Variants in TUSC3 observed in about 807,000 individuals in gnomAD.
TUSC3 encodes dolichyl-diphosphooligosaccharide--protein glycosyltransferase subunit TUSC3.
A neutral mutation model predicts 44.8 loss-of-function variants in TUSC3; 45 were observed. The observed-to-expected ratio is 1.00, with a 90% CI of 0.79 to 1.29. The LOEUF (loss-of-function observed/expected upper bound fraction) is 1.29, where lower values mean the gene tolerates loss of function less well. Among genes scored for constraint, TUSC3 ranks in the 50% most tolerant of loss-of-function variants. The pLI, the probability that TUSC3 is intolerant of heterozygous loss-of-function variation, is 0.00. For missense variants in TUSC3, 519 were observed against 437.9 expected (o/e 1.19, Z -1.65); for synonymous variants, 212 against 152.9 (o/e 1.39, Z -2.85).
the TUSC3 span, among the ~76,000 whole-genome samples, chr8:15,802,241 T>C: frequency 6.6e-6 from 1 of 152,308 alleles, no homozygotes; most frequent in African/African-American, 2.4e-5. Context: ...ACCCACATTA[T>C]GGGCATGAAG....
intron 1 of TUSC3, among the ~76,000 whole-genome samples, chr8:15,582,160 CT>C (rs1803386070): frequency 6.6e-6 from 1 of 152,226 alleles, no homozygotes; most frequent in African/African-American, 2.4e-5. Context: ...CCTCGCCCTG[CT>C]TCGGCTCGCG....
chr8:15,803,828 A>G, the TUSC3 span, among the ~76,000 whole-genome samples: 1 of 152,076 alleles, frequency 6.6e-6, no homozygotes, highest in Non-Finnish European at 1.5e-5. Flanking sequence ...TGTTAATTTT[A>G]TGAGAATGAT....
chr8:15,708,494 G>A (rs1476322135), intron 6 of TUSC3, among the ~76,000 whole-genome samples: 1 of 151,954 alleles, frequency 6.6e-6, no homozygotes, highest in Non-Finnish European at 1.5e-5. Flanking sequence ...CTAAATGAAA[G>A]TGTGGTAGTG....
intron 2 of TUSC3, among the ~76,000 whole-genome samples, chr8:15,518,966 C>T (rs964765750): frequency 1.3e-5 from 2 of 152,032 alleles, no homozygotes; most frequent in African/African-American, 4.8e-5. Context: ...AAACTAAAAT[C>T]GAATCAATAT....
chr8:15,709,740 AG>A (rs1484943830), intron 6 of TUSC3, among the ~76,000 whole-genome samples: 1 of 151,890 alleles, frequency 6.6e-6, no homozygotes, highest in Non-Finnish European at 1.5e-5. Flanking sequence ...CAATTAGGTA[AG>A]GAAAGTATGG....
chr8:15,836,469 T>C, the TUSC3 span, among the ~76,000 whole-genome samples: 1 of 96,046 alleles, frequency 1.0e-5, no homozygotes, highest in African/African-American at 3.3e-5. Context: ...AGAGTGAGAC[T>C]CCATCTCAAA....
In TUSC3 at chr8:15,431,730, T is replaced by A. The variant is rs58073315; in HGVS notation, n.91+14425T>A. ...ATAGAACTGGTAAGACTGGGCAACT[T>A]TGTCTTCCTCCTAATATTACAGGAA... is the stretch of plus-strand genomic sequence containing the variant. On this transcript the variant is annotated intron_variant and non_coding_transcript_variant, in intron 1 of 5. Coordinates refer to the TUSC3 transcript ENST00000503191. Among the ~76,000 whole-genome samples the A allele has an allele frequency of 9.2e-3, 1,403 of 151,700 alleles. 25 individuals are homozygous for A. Among genetic ancestry groups the A allele is most frequent in the African/African-American group, 0.032 (1,335 of 41,514 alleles).
intron 6 of TUSC3, among the ~76,000 whole-genome samples, chr8:15,694,274 C>G (rs1453955448): frequency 6.6e-6 from 1 of 151,802 alleles, no homozygotes; most frequent in African/African-American, 2.4e-5. Context: ...GAAACCCTGT[C>G]TCTACTGAAA....
intron 2 of TUSC3, among the ~76,000 whole-genome samples, chr8:15,533,306 G>A (rs1801475839): frequency 6.6e-6 from 1 of 152,156 alleles, no homozygotes; most frequent in East Asian, 1.9e-4. Context: ...GAGGGGTAGA[G>A]GAATAGTCAC....
At chr8:15,659,259 C>T (rs1359682679) in intron 3 of TUSC3, among the ~76,000 whole-genome samples, 2 of 151,924 alleles carry the variant, frequency 1.3e-5, no homozygotes, top group Admixed American at 1.3e-4. Flanking sequence ...ACAAAATATA[C>T]AGAACATAAT....
chr8:15,508,719 C>G (rs1004879565), intron 2 of TUSC3, among the ~76,000 whole-genome samples: 1 of 151,994 alleles, frequency 6.6e-6, no homozygotes, highest in African/African-American at 2.4e-5. Flanking sequence ...CCTGGGCGTC[C>G]CAAAGTGCTG....
intron 1 of TUSC3, among the ~76,000 whole-genome samples, chr8:15,563,197 G>T (rs951384668): frequency 2.0e-5 from 3 of 152,098 alleles, no homozygotes; most frequent in Admixed American, 6.5e-5. Flanking sequence ...TTAAAGTGAT[G>T]ATAACTTTAT....
intron 9 of TUSC3, among the ~76,000 whole-genome samples, chr8:15,753,028 T>C (rs969124997): frequency 2.0e-5 from 3 of 152,204 alleles, no homozygotes; most frequent in East Asian, 3.9e-4. Flanking sequence ...AATCTACTTA[T>C]TAAACAAATT....
intron 2 of TUSC3, among the ~76,000 whole-genome samples, chr8:15,510,176 T>C (rs1007807469): frequency 1.3e-5 from 2 of 151,846 alleles, no homozygotes; most frequent in Admixed American, 1.3e-4. Flanking sequence ...TTAATACATT[T>C]GCAAATCTTG....
intron 1 of TUSC3, among the ~76,000 whole-genome samples, chr8:15,440,728 T>C (rs1800009984): frequency 6.6e-6 from 1 of 152,216 alleles, no homozygotes. Context: ...TTCTCTAGAA[T>C]AGACACTATG....
At chr8:15,768,959 A>T (rs1244182562), downstream of TUSC3, among the ~76,000 whole-genome samples, 1 of 152,220 alleles carries the variant, frequency 6.6e-6, no homozygotes. Flanking sequence ...TTCCATGCTC[A>T]TGGATAGGAC....
At chr8:15,579,188 C>G in intron 1 of TUSC3, among the ~76,000 whole-genome samples, 1 of 148,642 alleles carries the variant, frequency 6.7e-6, no homozygotes, top group East Asian at 2.0e-4. Flanking sequence ...TTTATTGTGT[C>G]TATTTGATTC....
Position 15,434,175 on chromosome 8 carries a change from G to A in TUSC3, n.91+16870G>A, listed in dbSNP as rs147626735. ...TAGTGGTGTGTAATGGTACTTCATG[G>A]TAGCTGTAATTTTTATTACCCTAAT... On this transcript the variant is annotated intron_variant and non_coding_transcript_variant, in intron 1 of 5. Transcript: ENST00000503191. Among the ~76,000 whole-genome samples the A allele has an allele frequency of 3.4e-4, 52 of 152,130 alleles. 1 individual carries two copies. The East Asian group carries it at 9.3e-3, about 27-fold the overall frequency.
chr8:15,721,571 A>C (rs1810305881), intron 6 of TUSC3, among the ~76,000 whole-genome samples: 1 of 152,080 alleles, frequency 6.6e-6, no homozygotes, highest in Non-Finnish European at 1.5e-5. Context: ...ATTAAAAGCT[A>C]TTCAGTTGAA....
Sources: allele counts gnomAD v4.1 joint callset (sites outside exome capture counted in the v4.1 genomes callset), GRCh38; gene constraint gnomAD v4.1.1; transcripts MANE v1.5; gene names NCBI Gene and HGNC (gene_info 2026-07-23, HGNC 2026-07-21).